Variants in PARD6G observed in about 807,000 individuals in gnomAD.
PARD6G encodes par-6 family cell polarity regulator gamma, also known as partitioning defective 6 homolog gamma.
Under a neutral mutation model 10.7 loss-of-function variants are expected in PARD6G, and 7 were observed. The ratio of observed to expected loss-of-function variants is 0.66; its 90% confidence interval spans 0.37 to 1.23. The LOEUF (loss-of-function observed/expected upper bound fraction) is 1.23. Among genes scored for constraint, PARD6G ranks in the 50% most tolerant of loss-of-function variants. The pLI, the probability that PARD6G is intolerant of heterozygous loss-of-function variation, is 0.02. For synonymous variants in PARD6G, 287 were observed against 269.4 expected (o/e 1.07, Z -0.64); for missense variants, 548 against 571.8 (o/e 0.96, Z 0.42).
chr18:80,217,862 T>C (rs769610826), intron 1 of PARD6G, among the ~76,000 whole-genome samples: 1 of 152,110 alleles, frequency 6.6e-6, no homozygotes, highest in Admixed American at 6.5e-5. Flanking sequence ...AAACTTACAA[T>C]CATGGTGGAA....
At chr18:80,173,264 A>T (rs1325557358) in intron 2 of PARD6G, among the ~76,000 whole-genome samples, 1 of 152,176 alleles carries the variant, frequency 6.6e-6, no homozygotes, top group Non-Finnish European at 1.5e-5. Flanking sequence ...GTCGTGGAGG[A>T]CAAAGACAAG....
chr18:80,206,610 C>A (rs1386828753), intron 1 of PARD6G, among the ~76,000 whole-genome samples: 1 of 152,210 alleles, frequency 6.6e-6, no homozygotes, highest in Non-Finnish European at 1.5e-5. Flanking sequence ...TTATTTTTGT[C>A]ACACAACCTG....
At chr18:80,205,622 T>G (rs2145282993) in intron 1 of PARD6G, among the ~76,000 whole-genome samples, 1 of 152,320 alleles carries the variant, frequency 6.6e-6, no homozygotes, top group African/African-American at 2.4e-5. Flanking sequence ...CTTTTAGTCC[T>G]GCTCCTGCCA....
At chr18:80,196,955 G>A (rs1029646572) in intron 2 of PARD6G, among the ~76,000 whole-genome samples, 1 of 149,596 alleles carries the variant, frequency 6.7e-6, no homozygotes, top group Non-Finnish European at 1.5e-5. Flanking sequence ...AGGAATCTGT[G>A]GCAATTAAAG....
chr18:80,233,387 C>T (rs1346737431), intron 1 of PARD6G, among the ~76,000 whole-genome samples: 1 of 152,200 alleles, frequency 6.6e-6, no homozygotes, highest in African/African-American at 2.4e-5. Context: ...CCCTCTCATC[C>T]CTGCACCAGT....
intron 1 of PARD6G, among the ~76,000 whole-genome samples, chr18:80,245,706 AG>A (rs773429898): frequency 2.0e-5 from 3 of 152,186 alleles, no homozygotes; most frequent in Non-Finnish European, 4.4e-5. Flanking sequence ...TGTACTAGAT[AG>A]TGCAGCTCCA....
Position 80,159,793 on chromosome 18 carries a change from T to G in PARD6G, c.1109A>C (p.His370Pro). The G allele has an allele frequency of 1.2e-5, 18 of 1,446,694 alleles. No homozygotes were observed. The highest frequency in any genetic ancestry group is 1.6e-5 in the Non-Finnish European group (18 of 1,106,168). 89.6% of individuals were successfully genotyped at this position (1,446,694 alleles called of 1,614,324 possible). ...LALPPGGVEE[H>P]GPAVTL ...AGTCTAGAGCGTGACCGCGGGCCCG[T>G]GCTCCTCCACGCCGCCTGGCGGCAG... The change falls in exon 3 of 3, where the codon CAC (histidine) becomes CCC (proline). Residue 370 changes from histidine (H) to proline (P), a missense_variant. Coordinates refer to ENST00000353265, the MANE Select transcript of PARD6G (RefSeq NM_032510.4).
At chr18:80,226,679 G>A (rs775389319) in intron 1 of PARD6G, among the ~76,000 whole-genome samples, 5 of 152,078 alleles carry the variant, frequency 3.3e-5, no homozygotes, top group African/African-American at 4.8e-5. Flanking sequence ...ACCCTGAACC[G>A]GAGAAAGATT....
At chr18:80,185,416 A>G (rs528150722) in intron 2 of PARD6G, among the ~76,000 whole-genome samples, 6 of 152,264 alleles carry the variant, frequency 3.9e-5, no homozygotes, top group Admixed American at 1.3e-4. Flanking sequence ...CTGGGACTAC[A>G]GGCATGCTCC....
intron 2 of PARD6G, among the ~76,000 whole-genome samples, chr18:80,177,422 C>T (rs1476542518): frequency 6.7e-6 from 1 of 150,088 alleles, no homozygotes; most frequent in Non-Finnish European, 1.5e-5. Flanking sequence ...CACATACACG[C>T]AAACACGCAC....
Position 80,192,467 on chromosome 18 carries a change from G to T in PARD6G, c.295+10243C>A, listed in dbSNP as rs913714228. 4.7e-5 allele frequency among the ~76,000 whole-genome samples: 7 copies of T among 149,692 alleles called. No individual in the cohort carries two copies. The highest frequency in any genetic ancestry group is 1.7e-4 in the African/African-American group (7 of 40,518). Reference sequence around the variant, plus strand: ...CAGGTGCCACGGCGGGAGCCCAGGGGACGGGGGAGAGCAGGTGCCACGGCG... The same window carrying T: ...CAGGTGCCACGGCGGGAGCCCAGGGTACGGGGGAGAGCAGGTGCCACGGCG... On this transcript the variant is annotated intron_variant, in intron 2 of 2. Coordinates refer to ENST00000353265, the MANE Select transcript of PARD6G (RefSeq NM_032510.4). The surrounding 1 kb of genome is among the most constrained non-coding windows in gnomAD (Gnocchi z 4.9).
chr18:80,243,109 C>G (rs1407886899), intron 1 of PARD6G, among the ~76,000 whole-genome samples: 1 of 151,942 alleles, frequency 6.6e-6, no homozygotes, highest in African/African-American at 2.4e-5. Context: ...AATCAATAAT[C>G]TTTACATATT....
chr18:80,173,453 C>A (rs987011589), intron 2 of PARD6G, among the ~76,000 whole-genome samples: 9 of 152,090 alleles, frequency 5.9e-5, no homozygotes, highest in Non-Finnish European at 1.3e-4. Context: ...GGTGAGACCT[C>A]ATCTCTACTA....
chr18:80,197,750 T>C lies in PARD6G; in HGVS notation c.295+4960A>G, dbSNP rs537290798. ...TTTATCCTGCTAAAAATAGAGATGC[T>C]CCAAGTATCAACTTGGTTGTGCATT... On this transcript the variant is annotated intron_variant, in intron 2 of 2. Coordinates refer to ENST00000353265, the MANE Select transcript of PARD6G (RefSeq NM_032510.4). The C allele has an allele frequency of 5.3e-5, 8 of 152,026 alleles. No homozygotes were observed. The South Asian group carries it at 1.7e-3, about 31-fold the overall frequency. The allele number at this position is 152,026 out of a possible 1,614,324, so 9.4% of individuals were successfully genotyped here.
intron 2 of PARD6G, among the ~76,000 whole-genome samples, chr18:80,178,954 G>A (rs1441059178): frequency 2.0e-5 from 3 of 152,220 alleles, no homozygotes; most frequent in Non-Finnish European, 4.4e-5. Context: ...CTCACTGGGC[G>A]GGTGGCGACC....
intron 1 of PARD6G, among the ~76,000 whole-genome samples, chr18:80,235,158 C>A (rs920036320): frequency 6.6e-6 from 1 of 152,166 alleles, no homozygotes; most frequent in Non-Finnish European, 1.5e-5. Context: ...AACAAACTGT[C>A]TCTCAGACCA....
At position 80,202,788 on chromosome 18, in the gene PARD6G, G is replaced by A. The variant is rs771146651; in HGVS notation, c.217C>T (p.Pro73Ser). Residue 73 changes from proline (P) to serine (S), a missense_variant, in exon 2 of 3, where the codon CCC (proline) becomes TCC (serine). Pro to Ser is a moderately conservative substitution (Grantham distance 74). Around this residue, in one of 2 missense-constraint regions of PARD6G, gnomAD observed 235 missense variants for 291.9 expected, o/e 0.81. Coordinates refer to ENST00000353265, the MANE Select transcript of PARD6G (RefSeq NM_032510.4). ...GYADVHGDLL[P>S]INNDDNFCKA... ...CAGAAGTTGTCATCATTGTTGATGG[G>A]CAGCAGGTCTCCGTGCACATCTGCA... 6.2e-7 allele frequency: 1 copy of A among 1,614,028 alleles called. No individual in the cohort carries two copies. The highest frequency in any genetic ancestry group is 8.5e-7 in the Non-Finnish European group (1 of 1,180,010).
chr18:80,210,651 A>G (rs545327027), intron 1 of PARD6G, among the ~76,000 whole-genome samples: 1 of 152,360 alleles, frequency 6.6e-6, no homozygotes, highest in Admixed American at 6.5e-5. Context: ...AAAGTTTAAA[A>G]AAAAGTTTTT....
At chr18:80,215,914 T>C (rs983962997) in intron 1 of PARD6G, among the ~76,000 whole-genome samples, 9 of 151,868 alleles carry the variant, frequency 5.9e-5, no homozygotes, top group African/African-American at 2.2e-4. Context: ...AACAAATAGG[T>C]TGAAAGAAAG....
Sources: allele counts gnomAD v4.1 joint callset (sites outside exome capture counted in the v4.1 genomes callset), GRCh38; gene constraint gnomAD v4.1.1; regional missense constraint gnomAD v4.1.1; non-coding constraint Gnocchi (gnomAD v3.1); transcripts MANE v1.5; gene names NCBI Gene and HGNC (gene_info 2026-07-23, HGNC 2026-07-21).